The following CDK14 variants were observed in gnomAD, a reference collection of about 807,000 sequenced individuals.
CDK14 encodes cyclin-dependent kinase 14.
In CDK14, 34 loss-of-function variants were observed where a neutral mutation model predicts 60.7. The ratio of observed to expected loss-of-function variants is 0.56; its 90% CI spans 0.43 to 0.75. The LOEUF (loss-of-function observed/expected upper bound fraction) is 0.75. CDK14 is among the 30% of genes least tolerant of loss of function. The pLI, the probability that CDK14 is intolerant of heterozygous loss-of-function variation, is 0.00. For synonymous variants in CDK14, 197 were observed against 203.7 expected, an observed-to-expected ratio of 0.97 and a Z score of 0.28; for missense variants, 482 against 564.1, an observed-to-expected ratio of 0.85 and a Z score of 1.47.
intron 2 of CDK14, among the ~76,000 whole-genome samples, chr7:90,715,447 CA>C (rs1042834671): frequency 3.3e-4 from 50 of 152,022 alleles, no homozygotes; most frequent in African/African-American, 1.1e-3. Flanking sequence ...ACATGGTAGA[CA>C]TTTTTAGTTT....
chr7:90,797,198 G>A (rs1788471273), intron 5 of CDK14, among the ~76,000 whole-genome samples: 1 of 151,734 alleles, frequency 6.6e-6, no homozygotes, highest in African/African-American at 2.4e-5. Flanking sequence ...TGCAGTCTTG[G>A]AAGCTGGAAG....
At chr7:91,091,964 C>T (rs556389279) in intron 12 of CDK14, among the ~76,000 whole-genome samples, 2 of 152,062 alleles carry the variant, frequency 1.3e-5, no homozygotes, top group East Asian at 1.9e-4. Context: ...GAGATATACC[C>T]GAAAACCTGC....
intron 12 of CDK14, among the ~76,000 whole-genome samples, chr7:91,080,309 A>G (rs538770340): frequency 6.6e-6 from 1 of 152,322 alleles, no homozygotes; most frequent in East Asian, 1.9e-4. Context: ...AAACTTTTTC[A>G]TATTAAAATG....
chr7:90,814,460 A>T (rs559469821), intron 5 of CDK14, among the ~76,000 whole-genome samples: 1 of 152,300 alleles, frequency 6.6e-6, no homozygotes, highest in African/African-American at 2.4e-5. Context: ...GAGAGAAAAT[A>T]ACCCAATATG....
chr7:91,008,061 G>A (rs1276122486), intron 10 of CDK14, among the ~76,000 whole-genome samples: 1 of 145,618 alleles, frequency 6.9e-6, no homozygotes, highest in Non-Finnish European at 1.5e-5. Context: ...GATTAGGATT[G>A]CTCATTCTGG....
At chr7:90,975,849 G>T (rs1795055481) in intron 9 of CDK14, among the ~76,000 whole-genome samples, 1 of 152,058 alleles carries the variant, frequency 6.6e-6, no homozygotes, top group Admixed American at 6.6e-5. Flanking sequence ...TTCCATCTAT[G>T]TTGTCACAAA....
At chr7:90,771,718 G>A (rs973079324) in intron 4 of CDK14, among the ~76,000 whole-genome samples, 1 of 152,190 alleles carries the variant, frequency 6.6e-6, no homozygotes, top group Non-Finnish European at 1.5e-5. Flanking sequence ...AGGAGCTGAA[G>A]TGAAGCCTTG....
intron 14 of CDK14, among the ~76,000 whole-genome samples, chr7:91,189,614 TC>T (rs1802296644): frequency 6.6e-6 from 1 of 152,176 alleles, no homozygotes; most frequent in African/African-American, 2.4e-5. Flanking sequence ...AATTTTTTTT[TC>T]ACCAGATATT....
chr7:90,857,490 T>C (rs1170659205), intron 5 of CDK14, among the ~76,000 whole-genome samples: 1 of 152,222 alleles, frequency 6.6e-6, no homozygotes, highest in Non-Finnish European at 1.5e-5. Context: ...ACAAGTCTTT[T>C]GCATCATGTG....
At position 91,115,549 on chromosome 7, in the gene CDK14, C is replaced by G. The variant is rs796220203; in HGVS notation, c.1295-2516C>G. On this transcript the variant is annotated intron_variant, in intron 13 of 14. Transcript: ENST00000380050. ...CGGACACAATTCAATCCATAGCACT[C>G]TCATTCTTAAAGATGGCTCATAGCA... Among the ~76,000 whole-genome samples, 17 of 152,294 alleles carry G rather than the reference C, an allele frequency of 1.1e-4. 1 individual carries two copies. Among genetic ancestry groups the G allele is most frequent in the African/African-American group, 3.8e-4 (16 of 41,560 alleles).
At chr7:90,781,664 T>G (rs1167224118) in intron 4 of CDK14, among the ~76,000 whole-genome samples, 1 of 151,524 alleles carries the variant, frequency 6.6e-6, no homozygotes, top group Non-Finnish European at 1.5e-5. Context: ...CACCATGTAT[T>G]AAATAGGGAA....
At chr7:90,818,534 C>A (rs1287612878) in intron 5 of CDK14, among the ~76,000 whole-genome samples, 2 of 152,120 alleles carry the variant, frequency 1.3e-5, no homozygotes, top group East Asian at 3.8e-4. Flanking sequence ...CTTATATTCC[C>A]AGAAGATTTC....
chr7:91,081,389 A>G (rs1798480341), intron 12 of CDK14, among the ~76,000 whole-genome samples: 1 of 152,160 alleles, frequency 6.6e-6, no homozygotes, highest in Non-Finnish European at 1.5e-5. Context: ...CAATTACTAA[A>G]CTGAAGCAAC....
At chr7:90,770,366 G>A (rs903578507) in intron 4 of CDK14, among the ~76,000 whole-genome samples, 1 of 152,150 alleles carries the variant, frequency 6.6e-6, no homozygotes, top group African/African-American at 2.4e-5. Flanking sequence ...TAACGTTATA[G>A]TCTGTTCTGA....
intron 5 of CDK14, among the ~76,000 whole-genome samples, chr7:90,825,795 G>T (rs17163267): frequency 0.15 from 22,400 of 152,164 alleles, 1,818 homozygotes; most frequent in Middle Eastern, 0.25. Flanking sequence ...AACAATTTCT[G>T]TATCGTAGAT....
chr7:90,660,291 A>ATATCTATTTACTAACTCAAG (rs1219481883), intron 2 of CDK14, among the ~76,000 whole-genome samples: 1 of 152,114 alleles, frequency 6.6e-6, no homozygotes, highest in African/African-American at 2.4e-5. Context: ...GCTAACTCAA[A>ATATCTATTTACTAACTCAAG]TATCTATTTA....
At chr7:90,654,953 T>A (rs1346470301) in intron 2 of CDK14, among the ~76,000 whole-genome samples, 1 of 152,210 alleles carries the variant, frequency 6.6e-6, no homozygotes, top group Non-Finnish European at 1.5e-5. Context: ...TTCAGTACCC[T>A]AAAAAATTCC....
chr7:90,808,675 T>C (rs931478071), intron 5 of CDK14, among the ~76,000 whole-genome samples: 1 of 152,044 alleles, frequency 6.6e-6, no homozygotes, highest in African/African-American at 2.4e-5. Context: ...GACTGGCAAA[T>C]TGGATAAAGA....
intron 8 of CDK14, among the ~76,000 whole-genome samples, chr7:90,928,181 A>G (rs1793481021): frequency 6.6e-6 from 1 of 152,062 alleles, no homozygotes; most frequent in Non-Finnish European, 1.5e-5. Context: ...AGCTCGGAGA[A>G]GTTTGTTATT....
Sources: gnomAD v4.1 joint callset for allele counts (sites outside exome capture counted in the v4.1 genomes callset) on GRCh38, gnomAD v4.1.1 for gene constraint, MANE v1.5 for transcripts, NCBI Gene and HGNC (gene_info 2026-07-23, HGNC 2026-07-21) for gene names.